HSPG2: variants seen among roughly 807,000 people sequenced by gnomAD.
The protein encoded by HSPG2 is basement membrane-specific heparan sulfate proteoglycan core protein.
HSPG2 carries 278 observed loss-of-function variants against 526.6 expected under a neutral mutation model. The observed-to-expected ratio is 0.53, with a 90% CI of 0.48 to 0.58. The LOEUF is 0.58. HSPG2 is among the 20% of genes least tolerant of loss of function. The pLI, the probability that HSPG2 is intolerant of heterozygous loss-of-function variation, is 0.00. For missense variants in HSPG2, 5,354 were observed against 6,099.5 expected, an observed-to-expected ratio of 0.88 and a Z score of 4.07; for synonymous variants, 2,465 against 2,555.4, an observed-to-expected ratio of 0.96 and a Z score of 1.07.
Position 21,865,780 on chromosome 1 carries a change from G to A in HSPG2, c.4251C>T (p.Tyr1417=). ...GTGGGCCTGCTGTGTAGGAGAGGGT[G>A]TATCGCAACTTCCCACCGTAGGCCG... is the stretch of plus-strand genomic sequence containing the variant. ...KVAAYGGKLR[Y]TLSYTAGPQG... The change falls in exon 34 of 97, where the codon TAC becomes TAT. Residue 1417 remains tyrosine, a synonymous_variant. Transcript: ENST00000374695. The surrounding 1 kb of genome is among the most constrained non-coding windows in gnomAD (Gnocchi z 5.4). 1.9e-6 allele frequency: 3 copies of A among 1,613,820 alleles called. No individual in the cohort carries two copies. Among genetic ancestry groups the A allele is most frequent in the Non-Finnish European group, 2.5e-6 (3 of 1,179,972 alleles).
intron 85 of HSPG2, 192 bp downstream of exon 85, chr1:21,830,790 G>A (rs1008797840): frequency 1.2e-5 from 7 of 596,106 alleles, no homozygotes; most frequent in Non-Finnish European, 2.1e-5. Context: ...AGGAGGGGAA[G>A]CAGCAGTGAT....
In HSPG2 at chr1:21,842,001, C is replaced by A. The variant is rs1309485660; in HGVS notation, c.9193+1G>T. On this transcript the variant is annotated splice_donor_variant, in intron 69 of 96. Coordinates refer to ENST00000374695, the MANE Select transcript of HSPG2 (RefSeq NM_005529.7). LOFTEE classifies it high-confidence loss of function. Reference sequence around the variant, plus strand: ...CCCACCTGCCCACCAGCCTGGCTCACCCTCCAGCTCCTGGTTCCGGGTCTT... The same window carrying A: ...CCCACCTGCCCACCAGCCTGGCTCAACCTCCAGCTCCTGGTTCCGGGTCTT... 6 of 1,613,148 alleles carry A rather than the reference C, an allele frequency of 3.7e-6. No individual in the cohort carries two copies. Among genetic ancestry groups the A allele is most frequent in the Non-Finnish European group, 5.1e-6 (6 of 1,180,030 alleles).
chr1:21,840,192 G>A (rs1026731517), intron 71 of HSPG2, among the ~76,000 whole-genome samples, 175 bp from the exon 72 acceptor site: 12 of 152,190 alleles, frequency 7.9e-5, no homozygotes, highest in African/African-American at 2.9e-4. Flanking sequence ...AGGTTGGAGT[G>A]CAGTGGCACC....
In HSPG2 at chr1:21,846,128, G is replaced by A. The variant is rs1262525453; in HGVS notation, c.8444C>T (p.Ser2815Leu). The change falls in exon 64 of 97, where the codon TCA (serine) becomes TTA (leucine). Residue 2815 changes from serine to leucine, a missense_variant. Transcript: ENST00000374695. ...CTCACCGGGGACGTGGACAGCACTT[G>A]AGCCAGAGGCTTCGATGGTGACCAG... is the stretch of plus-strand genomic sequence containing the variant. The part of the protein sequence containing the change: ...SVLVTIEASG[S>L]SAVHVPAPGG... 6.2e-7 allele frequency: 1 copy of A among 1,612,954 alleles called. No homozygotes were observed. The highest frequency in any genetic ancestry group is 8.5e-7 in the Non-Finnish European group (1 of 1,180,034).
chr1:21,920,950 C>G (rs905643642), intron 1 of HSPG2, among the ~76,000 whole-genome samples: 7 of 152,266 alleles, frequency 4.6e-5, no homozygotes, highest in Non-Finnish European at 5.9e-5. Flanking sequence ...CCTCCTCCCC[C>G]GGGCAGATCT....
chr1:21,844,299 GCT>G lies in HSPG2; in HGVS notation c.8465-2_8465-1del. The stretch of plus-strand genomic sequence containing the variant: ...GCGGATGGGTGGGGCTCCACCTGGG[GCT>G]GGGGCACAGGGGAGAGGTCAGTGAG... On this transcript the variant is annotated splice_acceptor_variant, in intron 64 of 96. Coordinates refer to ENST00000374695, the MANE Select transcript of HSPG2 (RefSeq NM_005529.7). LOFTEE classifies it high-confidence loss of function. The G allele has an allele frequency of 6.2e-7, 1 of 1,611,924 alleles. No individual in the cohort carries two copies. The highest frequency in any genetic ancestry group is 8.5e-7 in the Non-Finnish European group (1 of 1,178,866).
intron 51 of HSPG2, 36 bp downstream of exon 51, chr1:21,852,883 C>A: frequency 6.2e-7 from 1 of 1,611,784 alleles, no homozygotes; most frequent in East Asian, 2.2e-5. Context: ...TCCCATCCAG[C>A]CCCTCCAGCA....
chr1:21,882,415 A>ACG (rs1216749862), intron 13 of HSPG2, among the ~76,000 whole-genome samples: 1 of 151,096 alleles, frequency 6.6e-6, no homozygotes, highest in Non-Finnish European at 1.5e-5. Context: ...ACACACACAC[A>ACG]CACACACACA....
At position 21,864,152 on chromosome 1, in the gene HSPG2, C is replaced by G; in HGVS notation, c.4688G>C (p.Cys1563Ser). ...CAGGTCTGAGTGGCCATTGCATTCA[C>G]ATAGCTCGCAGTGGCCGAGGTAGAG... ...SGLYLGHCEL[C>S]ECNGHSDLCH... The change falls in exon 37 of 97, where the codon TGT becomes TCT. Residue 1563 changes from cysteine to serine, a missense_variant. Physicochemically the swap from Cys to Ser is moderately radical, Grantham distance 112 (BLOSUM62 -1). Coordinates refer to ENST00000374695, the MANE Select transcript of HSPG2 (RefSeq NM_005529.7). This position sits in a 1 kb window ranked among gnomAD's most constrained non-coding sequence, Gnocchi z 4.8. 6.4e-7 allele frequency: 1 copy of G among 1,557,134 alleles called. No homozygotes were observed. Among genetic ancestry groups the G allele is most frequent in the Non-Finnish European group, 8.7e-7 (1 of 1,150,244 alleles).
intron 1 of HSPG2, among the ~76,000 whole-genome samples, chr1:21,896,969 G>A (rs1418915449): frequency 1.3e-5 from 2 of 152,246 alleles, no homozygotes; most frequent in Admixed American, 1.3e-4. Context: ...GGGCTGAATG[G>A]GGACAGGCGT....
In HSPG2 at chr1:21,888,683, C is replaced by A. The variant is rs551948914; in HGVS notation, c.575-617G>T. On this transcript the variant is annotated intron_variant, in intron 6 of 96. Transcript: ENST00000374695. ...ACACTCTCACCTGGTGTCACTGCGACCGCCACAGCGGCCGGCGGGGGTGGG... is the reference window on the plus strand; with the variant it reads ...ACACTCTCACCTGGTGTCACTGCGAACGCCACAGCGGCCGGCGGGGGTGGG... 20 of 1,365,536 alleles carry A rather than the reference C, an allele frequency of 1.5e-5. No individual in the cohort carries two copies. In the South Asian group the frequency reaches 1.9e-4, roughly 13 times the overall value. 84.6% of individuals were successfully genotyped at this position (1,365,536 alleles called of 1,614,324 possible).
In HSPG2 at chr1:21,904,041, G is replaced by A. The variant is rs902392476; in HGVS notation, c.64-7731C>T. On this transcript the variant is annotated intron_variant, in intron 1 of 96. Coordinates refer to ENST00000374695, the MANE Select transcript of HSPG2 (RefSeq NM_005529.7). This position sits in a 1 kb window ranked among gnomAD's most constrained non-coding sequence, Gnocchi z 4.4. ...TCAAGTCACTTCAACCTCGACTTAC[G>A]GGGTACCTACTATGTGCTGGGCCCG... Among the ~76,000 whole-genome samples, 3 of 152,198 alleles carry A rather than the reference G, an allele frequency of 2.0e-5. No individual in the cohort carries two copies. The highest frequency in any genetic ancestry group is 2.1e-4 in the South Asian group (1 of 4,834).
chr1:21,894,758 G>C (rs1005428142), intron 3 of HSPG2, among the ~76,000 whole-genome samples: 11 of 152,214 alleles, frequency 7.2e-5, no homozygotes, highest in African/African-American at 2.2e-4. Context: ...GGCTTGGCCA[G>C]AGGCAGCTCC....
At position 21,848,607 on chromosome 1, in the gene HSPG2, C is replaced by T. The variant is rs771731350; in HGVS notation, c.7737+36G>A. On this transcript the variant is annotated intron_variant, in intron 59 of 96. Coordinates refer to ENST00000374695, the MANE Select transcript of HSPG2 (RefSeq NM_005529.7). This position sits in a 1 kb window ranked among gnomAD's most constrained non-coding sequence, Gnocchi z 4.9. ...CCTCTTCCCATTGGGGGCTGGTGTG[C>T]CCTGCTTTTGCCCTCCCCACCTGCT... is the stretch of plus-strand genomic sequence containing the variant. The T allele has an allele frequency of 6.2e-7, 1 of 1,611,644 alleles. No homozygotes were observed. The highest frequency in any genetic ancestry group is 8.5e-7 in the Non-Finnish European group (1 of 1,179,476).
At chr1:21,896,133 A>AC (rs763824440) in intron 2 of HSPG2, 42 bp downstream of exon 2, 15 of 1,610,514 alleles carry the variant, frequency 9.3e-6, no homozygotes, top group Non-Finnish European at 1.1e-5. Flanking sequence ...GCACAGTCTC[A>AC]CCCCCCACCC....
chr1:21,887,149 A>AGGCGGGGCAGGAGTGGAC lies in HSPG2; in HGVS notation c.1078+65_1078+66insGTCCACTCCTGCCCCGCC. 1 of 1,586,930 alleles carries AGGCGGGGCAGGAGTGGAC rather than the reference A, an allele frequency of 6.3e-7. No individual in the cohort carries two copies. Among genetic ancestry groups the AGGCGGGGCAGGAGTGGAC allele is most frequent in the Non-Finnish European group, 8.6e-7 (1 of 1,162,040 alleles). Reference sequence around the variant, plus strand: ...AGGGTAGGGGCGGGGCAGGAGTGGAAGGCGGGGCAGGAGCAAGCGGCCTGG... The same window carrying AGGCGGGGCAGGAGTGGAC: ...AGGGTAGGGGCGGGGCAGGAGTGGAAGGCGGGGCAGGAGTGGACGGCGGGGCAGGAGCAAGCGGCCTGG... On this transcript the variant is annotated intron_variant, in intron 9 of 96. Transcript: ENST00000374695. The surrounding 1 kb of genome is among the most constrained non-coding windows in gnomAD (Gnocchi z 5.0).
rs1396397884 is a variant in HSPG2, at chr1:21,872,749, T to G, written c.3900A>C (p.Glu1300Asp). The G allele has an allele frequency of 6.2e-7, 1 of 1,609,278 alleles. No individual in the cohort carries two copies. The highest frequency in any genetic ancestry group is 1.7e-4 in the Middle Eastern group (1 of 6,014). ...GCCGGCAGTGGCTGCAAGTGAGGCC[T>G]TCCACCTGGGCCTGGGTAGACGGAT... is the stretch of plus-strand genomic sequence containing the variant. ...AGQCQCKAQV[E>D]GLTCSHCRPH... Residue 1300 changes from glutamate (E) to aspartate (D), a missense_variant, in exon 32 of 97, where the codon GAA becomes GAC. Transcript: ENST00000374695. This position sits in a 1 kb window ranked among gnomAD's most constrained non-coding sequence, Gnocchi z 5.5.
rs1288791989 is a variant in HSPG2 at position 21,853,985 on chromosome 1, A to C, written c.6439+208T>G. 19 of 528,728 alleles carry C rather than the reference A, an allele frequency of 3.6e-5. No individual in the cohort carries two copies. The East Asian group carries it at 5.5e-4, about 15-fold the overall frequency. 32.8% of individuals were successfully genotyped at this position (528,728 alleles called of 1,614,324 possible). A position where few individuals can be genotyped will look rare whatever the true frequency, so the allele number is the denominator to read the frequency against. On this transcript the variant is annotated intron_variant, in intron 50 of 96. Transcript: ENST00000374695. ...TCTGCTGCTTCCTGACAAATTCTGA[A>C]ACAGTCACTCATAGGGAGCCCAGGT...
At position 21,829,522 on chromosome 1, in the gene HSPG2, T is replaced by C. The variant is rs138957986; in HGVS notation, c.11853A>G (p.Leu3951=). ...GTGGCTTGAACTCCACGTCCAGGCG[T>C]AGCTCGTGGTGTGTGTTGGTGAGGG... The part of the protein sequence containing the change: ...LPALTNTHHE[L]RLDVEFKPLA... Residue 3951 remains leucine (L), a synonymous_variant, in exon 87 of 97, where the codon CTA becomes CTG. Coordinates refer to ENST00000374695, the MANE Select transcript of HSPG2 (RefSeq NM_005529.7). 5.1e-5 allele frequency: 83 copies of C among 1,613,084 alleles called. 1 individual carries two copies. In the African/African-American group the frequency reaches 8.1e-4, roughly 16 times the overall value.
Sources: allele counts gnomAD v4.1 joint callset (sites outside exome capture counted in the v4.1 genomes callset), GRCh38; gene constraint gnomAD v4.1.1; non-coding constraint Gnocchi (gnomAD v3.1); transcripts MANE v1.5; gene names NCBI Gene and HGNC (gene_info 2026-07-23, HGNC 2026-07-21).